The following CLSTN2 variants were observed in gnomAD, a reference collection of about 807,000 sequenced individuals.
CLSTN2 encodes the protein calsyntenin-2.
CLSTN2 carries 48 observed loss-of-function variants against 101.2 expected under a neutral mutation model. That is an observed-to-expected ratio of 0.47 (90% CI 0.38 to 0.60). The LOEUF (loss-of-function observed/expected upper bound fraction) is 0.60, where lower values mean the gene tolerates loss of function less well. Ranked by LOEUF, CLSTN2 falls within the 20% of genes least tolerant of loss-of-function variation. The pLI is 0.00. For synonymous variants in CLSTN2, 481 were observed against 463.6 expected (o/e 1.04, Z -0.48); for missense variants, 1,160 against 1,238.2 (o/e 0.94, Z 0.95).
intron 2 of CLSTN2, among the ~76,000 whole-genome samples, chr3:140,354,833 C>T (rs1034174810): frequency 2.6e-5 from 4 of 152,224 alleles, no homozygotes; most frequent in African/African-American, 7.2e-5. Context: ...TCACTGTCTT[C>T]GAAGTTGCCG....
Position 140,481,292 on chromosome 3 carries a change from C to T in CLSTN2, c.1344+14561C>T, listed in dbSNP as rs541399413. Among the ~76,000 whole-genome samples the T allele has an allele frequency of 1.6e-4, 24 of 150,930 alleles. No homozygotes were observed. The South Asian group carries it at 5.1e-3, about 32-fold the overall frequency. On this transcript the variant is annotated intron_variant, in intron 8 of 16. Transcript: ENST00000458420. The stretch of plus-strand genomic sequence containing the variant: ...CATTATTTCTGAGGGCTCTGTTCTG[C>T]TCCATTGGTCTATATCTCTGTTTTG...
intron 1 of CLSTN2, among the ~76,000 whole-genome samples, chr3:140,163,702 G>T (rs527615889): frequency 2.0e-5 from 3 of 150,878 alleles, no homozygotes; most frequent in Non-Finnish European, 2.9e-5. Flanking sequence ...CCATCTAGGA[G>T]CCGTGGCCTT....
intron 2 of CLSTN2, among the ~76,000 whole-genome samples, chr3:140,374,442 A>C (rs756253863): frequency 1.3e-5 from 2 of 152,128 alleles, no homozygotes; most frequent in Non-Finnish European, 2.9e-5. Flanking sequence ...TCTGTTTACT[A>C]TTTCATTAAT....
At chr3:139,976,562 G>A (rs1935822376) in intron 1 of CLSTN2, among the ~76,000 whole-genome samples, 1 of 152,212 alleles carries the variant, frequency 6.6e-6, no homozygotes, top group Non-Finnish European at 1.5e-5. Context: ...GGATTCAAAT[G>A]GAATCTGCCT....
intron 2 of CLSTN2, among the ~76,000 whole-genome samples, chr3:140,234,166 T>A (rs1486406754): frequency 2.0e-5 from 3 of 152,212 alleles, no homozygotes; most frequent in Non-Finnish European, 4.4e-5. Flanking sequence ...CAAATCCAAT[T>A]TCCATGGCTG....
intron 2 of CLSTN2, among the ~76,000 whole-genome samples, chr3:140,349,526 C>T (rs1329700456): frequency 6.6e-6 from 1 of 152,066 alleles, no homozygotes; most frequent in East Asian, 1.9e-4. Context: ...TAATACAATC[C>T]TGTAGATTCT....
rs1437476644 is a variant in CLSTN2, at chr3:139,960,209, T to C, written c.109+24726T>C. 5.9e-5 allele frequency among the ~76,000 whole-genome samples: 9 copies of C among 152,354 alleles called. No homozygotes were observed. The East Asian group carries it at 1.5e-3, about 26-fold the overall frequency. On this transcript the variant is annotated intron_variant, in intron 1 of 16. Transcript: ENST00000458420. ...TTTCAAGTTACCAATGCGATATCACTGAGCATGGGTTTGGAAAGTGATGCA... is the reference window on the plus strand; with the variant it reads ...TTTCAAGTTACCAATGCGATATCACCGAGCATGGGTTTGGAAAGTGATGCA...
intron 1 of CLSTN2, among the ~76,000 whole-genome samples, chr3:140,085,212 CAGAT>C (rs1157795528): frequency 6.6e-6 from 1 of 152,178 alleles, no homozygotes; most frequent in East Asian, 1.9e-4. Flanking sequence ...AATCAACAAA[CAGAT>C]GGATGTCACT....
At chr3:140,398,903 A>C (rs181243645) in intron 2 of CLSTN2, among the ~76,000 whole-genome samples, 1 of 152,216 alleles carries the variant, frequency 6.6e-6, no homozygotes, top group South Asian at 2.1e-4. Context: ...AGAAGCAGGT[A>C]ACTGTGAGAT....
chr3:140,338,657 G>C (rs1423083784), intron 2 of CLSTN2, among the ~76,000 whole-genome samples: 5 of 152,122 alleles, frequency 3.3e-5, no homozygotes, highest in Admixed American at 2.6e-4. Flanking sequence ...TCTTATTCGT[G>C]GGGACCCTGT....
chr3:139,943,775 A>C (rs969513406), intron 1 of CLSTN2, among the ~76,000 whole-genome samples: 1 of 152,058 alleles, frequency 6.6e-6, no homozygotes, highest in Non-Finnish European at 1.5e-5. Context: ...CCCACCTCCA[A>C]CCTCTCCCAT....
At chr3:140,194,171 A>T (rs2010611871) in intron 2 of CLSTN2, among the ~76,000 whole-genome samples, 1 of 152,188 alleles carries the variant, frequency 6.6e-6, no homozygotes, top group Non-Finnish European at 1.5e-5. Context: ...AATAAACAAC[A>T]GAAATTTATT....
At chr3:140,268,261 C>T (rs1454913099) in intron 2 of CLSTN2, among the ~76,000 whole-genome samples, 3 of 152,190 alleles carry the variant, frequency 2.0e-5, no homozygotes, top group East Asian at 3.9e-4. Flanking sequence ...GCCAGGAGTA[C>T]GTAGAGAAAG....
At chr3:140,324,910 G>A (rs1419749379) in intron 2 of CLSTN2, among the ~76,000 whole-genome samples, 1 of 152,210 alleles carries the variant, frequency 6.6e-6, no homozygotes, top group Non-Finnish European at 1.5e-5. Context: ...TGTGGGTTAG[G>A]GGACTCTTCA....
chr3:140,026,097 T>A (rs1240762875), intron 1 of CLSTN2, among the ~76,000 whole-genome samples: 2 of 152,192 alleles, frequency 1.3e-5, no homozygotes, highest in African/African-American at 4.8e-5. Flanking sequence ...CTCCTAACCC[T>A]ACTTTCAGCA....
chr3:140,104,134 A>G (rs1222733755), intron 1 of CLSTN2, among the ~76,000 whole-genome samples: 3 of 152,218 alleles, frequency 2.0e-5, no homozygotes, highest in Non-Finnish European at 2.9e-5. Flanking sequence ...ACTATCATGC[A>G]GTTAGTGAGG....
rs2010014284 is a variant in CLSTN2 at position 140,159,692 on chromosome 3, C to A, written c.110-16259C>A. ...TATATCCAAATGAAAACAAGTCATT[C>A]TACCAAAAAGACACACACTTGTATG... On this transcript the variant is annotated intron_variant, in intron 1 of 16. Transcript: ENST00000458420. Among the ~76,000 whole-genome samples the A allele has an allele frequency of 2.0e-5, 3 of 152,062 alleles. No homozygotes were observed. The South Asian group carries it at 6.2e-4, about 32-fold the overall frequency.
chr3:139,959,006 G>T (rs1335592349), intron 1 of CLSTN2, among the ~76,000 whole-genome samples: 2 of 151,842 alleles, frequency 1.3e-5, no homozygotes, highest in Non-Finnish European at 2.9e-5. Flanking sequence ...TTATGGTGAG[G>T]AAGGGGAGGC....
At position 139,939,735 on chromosome 3, in the gene CLSTN2, G is replaced by A. The variant is rs549739907; in HGVS notation, c.109+4252G>A. ...AACTTCCTGCAGGGGCAAAGGTAGT[G>A]TGGAATTTTTATGGTGGATTGTTCT... On this transcript the variant is annotated intron_variant, in intron 1 of 16. Coordinates refer to ENST00000458420, the MANE Select transcript of CLSTN2 (RefSeq NM_022131.3). 5.3e-5 allele frequency among the ~76,000 whole-genome samples: 8 copies of A among 152,346 alleles called. 1 individual carries two copies. In the South Asian group the frequency reaches 1.5e-3, roughly 28 times the overall value.
Sources: gnomAD v4.1 joint callset for allele counts (sites outside exome capture counted in the v4.1 genomes callset) on GRCh38, gnomAD v4.1.1 for gene constraint, MANE v1.5 for transcripts, NCBI Gene and HGNC (gene_info 2026-07-23, HGNC 2026-07-21) for gene names.